SGCD: variants seen among roughly 807,000 people sequenced by gnomAD.
SGCD encodes the protein sarcoglycan delta.
In SGCD, 18 loss-of-function variants were observed where a neutral mutation model predicts 36.6. That is an observed-to-expected ratio of 0.49 (90% CI 0.34 to 0.73). The LOEUF is 0.73. Ranked by LOEUF, SGCD falls within the 30% of genes least tolerant of loss-of-function variation. The pLI is 0.01. For synonymous variants in SGCD, 133 were observed against 130.6 expected (o/e 1.02, Z -0.12); for missense variants, 387 against 346.7 (o/e 1.12, Z -0.92).
chr5:156,101,933 TGTGTGTGTGAGAGA>T (rs1453266136), intron 1 of SGCD, among the ~76,000 whole-genome samples: 30 of 150,256 alleles, frequency 2.0e-4, no homozygotes, highest in African/African-American at 7.4e-4. Flanking sequence ...TGTGTGTGTG[TGTGTGTGTGAGAGA>T]GAGAGAGAGA....
intron 1 of SGCD, among the ~76,000 whole-genome samples, chr5:156,073,717 G>T (rs982437071): frequency 1.3e-5 from 2 of 152,192 alleles, no homozygotes; most frequent in Non-Finnish European, 2.9e-5. Context: ...TACCCATGAA[G>T]ATCATATCAT....
chr5:155,817,254 T>G, the SGCD span, among the ~76,000 whole-genome samples: 3 of 152,136 alleles, frequency 2.0e-5, no homozygotes, highest in Non-Finnish European at 4.4e-5. Flanking sequence ...GTTTTTCTTC[T>G]GTCCAATTAT....
At chr5:156,584,586 C>G (rs1280321326) in intron 4 of SGCD, among the ~76,000 whole-genome samples, 1 of 152,202 alleles carries the variant, frequency 6.6e-6, no homozygotes, top group East Asian at 1.9e-4. Context: ...ATGTTTTGAC[C>G]TTTATGTCCA....
chr5:156,215,554 A>G (rs1422995115), intron 3 of SGCD, among the ~76,000 whole-genome samples: 1 of 152,194 alleles, frequency 6.6e-6, no homozygotes, highest in Non-Finnish European at 1.5e-5. Flanking sequence ...GAAGACATAC[A>G]ATAGGCTAAC....
intron 1 of SGCD, among the ~76,000 whole-genome samples, chr5:155,950,046 T>G (rs1296718161): frequency 6.6e-6 from 1 of 152,172 alleles, no homozygotes; most frequent in Non-Finnish European, 1.5e-5. Flanking sequence ...GTTTTGAAAA[T>G]TTTTATTGCA....
At chr5:155,897,542 GT>G (rs1193797132) in intron 1 of SGCD, among the ~76,000 whole-genome samples, 2 of 151,910 alleles carry the variant, frequency 1.3e-5, no homozygotes, top group African/African-American at 2.4e-5. Context: ...AAACTTTTTA[GT>G]TTTTTAAAAC....
intron 4 of SGCD, among the ~76,000 whole-genome samples, chr5:156,561,332 A>C (rs1230739467): frequency 4.6e-5 from 7 of 152,330 alleles, no homozygotes; most frequent in Admixed American, 3.3e-4. Context: ...GCAGATTCCA[A>C]GCCATTTTTG....
intron 3 of SGCD, among the ~76,000 whole-genome samples, chr5:156,295,469 A>G (rs888253498): frequency 1.1e-4 from 16 of 151,820 alleles, no homozygotes; most frequent in African/African-American, 3.9e-4. Flanking sequence ...CTTTGCTCTA[A>G]TTTTTATTAT....
At chr5:156,463,124 A>G (rs1379228230) in intron 3 of SGCD, among the ~76,000 whole-genome samples, 1 of 151,902 alleles carries the variant, frequency 6.6e-6, no homozygotes, top group Non-Finnish European at 1.5e-5. Context: ...TATTAACAGC[A>G]GTTTGTTTTT....
chr5:156,719,824 CTTT>C (rs76672672), intron 7 of SGCD, among the ~76,000 whole-genome samples: 5 of 138,754 alleles, frequency 3.6e-5, no homozygotes, highest in South Asian at 2.3e-4. Flanking sequence ...GTCAAAGAAA[CTTT>C]TTTTTTTTTT....
chr5:155,817,524 T>C, the SGCD span, among the ~76,000 whole-genome samples: 2 of 152,140 alleles, frequency 1.3e-5, no homozygotes. Context: ...GTGTGGGTGA[T>C]TATTTTCTTA....
In SGCD at chr5:156,632,835, G is replaced by T. The variant is rs146787996; in HGVS notation, c.503-14629G>T. ...AGACCCCATGGAGTGTCAAACATGG[G>T]TATATGGAGATGGGGGAGGCATATA... is the stretch of plus-strand genomic sequence containing the variant. On this transcript the variant is annotated intron_variant, in intron 6 of 8. Coordinates refer to ENST00000337851, the MANE Select transcript of SGCD (RefSeq NM_000337.6). Among the ~76,000 whole-genome samples, 418 of 152,284 alleles carry T rather than the reference G, an allele frequency of 2.7e-3. 1 individual carries two copies. Among genetic ancestry groups the T allele is most frequent in the African/African-American group, 9.3e-3 (388 of 41,562 alleles).
chr5:155,756,699 C>T, the SGCD span, among the ~76,000 whole-genome samples: 1 of 152,148 alleles, frequency 6.6e-6, no homozygotes, highest in Non-Finnish European at 1.5e-5. Flanking sequence ...GATATAAAAA[C>T]ATTACTGGTT....
chr5:156,325,500 A>G (rs1320707111), upstream of SGCD, among the ~76,000 whole-genome samples: 4 of 152,164 alleles, frequency 2.6e-5, no homozygotes, highest in Admixed American at 1.3e-4. Context: ...ACAGATCGAG[A>G]GAGGTTAAGC....
intron 3 of SGCD, among the ~76,000 whole-genome samples, chr5:156,320,124 TG>T (rs1767620616): frequency 3.3e-5 from 5 of 151,994 alleles, no homozygotes; most frequent in Admixed American, 2.6e-4. Context: ...TGTGTGTGTG[TG>T]TGTGTGTGTA....
chr5:156,225,484 A>G (rs1764827919), intron 3 of SGCD, among the ~76,000 whole-genome samples: 2 of 152,256 alleles, frequency 1.3e-5, no homozygotes, highest in Middle Eastern at 3.4e-3. Flanking sequence ...CACGCTGCCA[A>G]CTGGAAAGTT....
intron 3 of SGCD, among the ~76,000 whole-genome samples, chr5:156,126,660 C>G (rs958364601): frequency 2.0e-5 from 3 of 152,194 alleles, no homozygotes; most frequent in African/African-American, 7.2e-5. Context: ...GGCTCCTGTG[C>G]TCTGGTGCAT....
the SGCD span, among the ~76,000 whole-genome samples, chr5:155,776,842 A>T: frequency 2.0e-5 from 3 of 152,144 alleles, no homozygotes; most frequent in East Asian, 5.8e-4. Context: ...TATGGCATGA[A>T]CCACATGTTT....
At chr5:155,750,114 T>C in the SGCD span, among the ~76,000 whole-genome samples, 2 of 152,208 alleles carry the variant, frequency 1.3e-5, no homozygotes, top group African/African-American at 4.8e-5. Flanking sequence ...AAGTTTAGTC[T>C]GTCTGGGGAG....
Sources: gnomAD v4.1 joint callset for allele counts (sites outside exome capture counted in the v4.1 genomes callset) on GRCh38, gnomAD v4.1.1 for gene constraint, MANE v1.5 for transcripts, NCBI Gene and HGNC (gene_info 2026-07-23, HGNC 2026-07-21) for gene names.